SLC24A4: variants seen among roughly 807,000 people sequenced by gnomAD.
SLC24A4 encodes the protein solute carrier family 24 member 4.
A neutral mutation model predicts 79.0 loss-of-function variants in SLC24A4; 53 were observed. The ratio of observed to expected loss-of-function variants is 0.67; its 90% confidence interval spans 0.54 to 0.84. SLC24A4 has a LOEUF of 0.84. SLC24A4 is among the 40% of genes least tolerant of loss of function. The pLI, the probability that SLC24A4 is intolerant of heterozygous loss-of-function variation, is 0.00. For synonymous variants in SLC24A4, 323 were observed against 323.8 expected (o/e 1.00, Z 0.03); for missense variants, 731 against 822.0 (o/e 0.89, Z 1.35).
chr14:92,334,519 G>T (rs1174394017), intron 2 of SLC24A4, among the ~76,000 whole-genome samples: 1 of 152,218 alleles, frequency 6.6e-6, no homozygotes, highest in Non-Finnish European at 1.5e-5. Context: ...GATCCTGCCT[G>T]CTGGCATTTA....
chr14:92,487,419 A>G (rs1192710579), intron 14 of SLC24A4, among the ~76,000 whole-genome samples: 1 of 142,080 alleles, frequency 7.0e-6, no homozygotes, highest in Non-Finnish European at 1.5e-5. Flanking sequence ...GGATGGGTGA[A>G]TAATGGCGTA....
Position 92,323,675 on chromosome 14 carries a change from C to G in SLC24A4, c.-156C>G, listed in dbSNP as rs1214636579. ...CCACCTTCCCAAGGGGCTCCCCCGC[C>G]GACCTCGCCCTCGGGCCATGAGGCT... On this transcript the variant is annotated 5_prime_UTR_variant, in exon 1 of 17. Coordinates refer to ENST00000532405, the MANE Select transcript of SLC24A4 (RefSeq NM_153646.4). This position sits in a 1 kb window ranked among gnomAD's most constrained non-coding sequence, Gnocchi z 4.9. The G allele has an allele frequency of 3.3e-6, 3 of 922,186 alleles. No individual in the cohort carries two copies. Among genetic ancestry groups the G allele is most frequent in the Non-Finnish European group, 3.0e-6 (2 of 657,458 alleles). The allele number at this position is 922,186 out of a possible 1,614,324, so 57.1% of individuals were successfully genotyped here.
At chr14:92,476,350 G>A (rs1894762931) in intron 12 of SLC24A4, among the ~76,000 whole-genome samples, 1 of 152,174 alleles carries the variant, frequency 6.6e-6, no homozygotes, top group African/African-American at 2.4e-5. Context: ...GGGACTACAA[G>A]CTACAGAAAG....
At chr14:92,403,974 T>C (rs578016526) in intron 2 of SLC24A4, among the ~76,000 whole-genome samples, 3 of 152,236 alleles carry the variant, frequency 2.0e-5, no homozygotes, top group East Asian at 1.9e-4. Flanking sequence ...CTGTAATTGA[T>C]TGACAGCTCT....
intron 2 of SLC24A4, among the ~76,000 whole-genome samples, chr14:92,395,314 C>T (rs1452697818): frequency 6.6e-6 from 1 of 152,022 alleles, no homozygotes; most frequent in Non-Finnish European, 1.5e-5. Flanking sequence ...GCCTGGAGCA[C>T]TGCAGTGTTA....
rs1192823019 is a variant in SLC24A4 at position 92,490,845 on chromosome 14, G to A, written c.1538-820G>A. On this transcript the variant is annotated intron_variant, in intron 14 of 16. Transcript: ENST00000532405. This position sits in a 1 kb window ranked among gnomAD's most constrained non-coding sequence, Gnocchi z 4.3. ...CCACAAACGGGGTGCCGTAAACAAC[G>A]GAAGTGTATTGTCTTGTGGTTCCGG... Among the ~76,000 whole-genome samples, 1 of 152,342 alleles carries A rather than the reference G, an allele frequency of 6.6e-6. No individual in the cohort carries two copies. The highest frequency in any genetic ancestry group is 1.9e-4 in the East Asian group (1 of 5,184).
rs1014493732 is a variant in SLC24A4 at position 92,497,738 on chromosome 14, G to A, written c.*4110G>A. 2.6e-5 allele frequency: 4 copies of A among 152,264 alleles called. No homozygotes were observed. Among genetic ancestry groups the A allele is most frequent in the Non-Finnish European group, 5.9e-5 (4 of 68,092 alleles). The allele number at this position is 152,264 out of a possible 1,614,324, so 9.4% of individuals were successfully genotyped here. A position where few individuals can be genotyped will look rare whatever the true frequency, so the allele number is the denominator to read the frequency against. On this transcript the variant is annotated 3_prime_UTR_variant, in exon 17 of 17. Coordinates refer to ENST00000532405, the MANE Select transcript of SLC24A4 (RefSeq NM_153646.4). ...AGAGACCTTTCTGCCCTGGGTGAAT[G>A]GGTCCTTGGGGGAGGGGTTGGTCTT... is the stretch of plus-strand genomic sequence containing the variant.
At chr14:92,442,685 G>T (rs967037321) in intron 5 of SLC24A4, 28 bp from the exon 6 acceptor site, 2 of 1,541,006 alleles carry the variant, frequency 1.3e-6, no homozygotes, top group South Asian at 1.1e-5. Context: ...TGTGGCTGAG[G>T]CCCAGGGTCT....
intron 12 of SLC24A4, chr14:92,457,622 C>T (rs1893554549): frequency 1.3e-5 from 2 of 152,682 alleles, no homozygotes; most frequent in South Asian, 4.2e-4. Flanking sequence ...GTGAGAGGAT[C>T]CCAGGACCCA....
chr14:92,478,760 G>A (rs1267931435), intron 12 of SLC24A4, among the ~76,000 whole-genome samples: 1 of 151,764 alleles, frequency 6.6e-6, no homozygotes, highest in African/African-American at 2.4e-5. Context: ...ATTTTGATAG[G>A]GATTGCATTG....
intron 2 of SLC24A4, among the ~76,000 whole-genome samples, chr14:92,373,429 C>T (rs1338532210): frequency 6.6e-6 from 1 of 152,174 alleles, no homozygotes; most frequent in Non-Finnish European, 1.5e-5. Flanking sequence ...TGAGCTGAGA[C>T]AGGCACCTAA....
intron 2 of SLC24A4, among the ~76,000 whole-genome samples, chr14:92,330,551 A>G (rs1885415349): frequency 6.6e-6 from 1 of 152,214 alleles, no homozygotes; most frequent in African/African-American, 2.4e-5. Context: ...AGTGACTCTG[A>G]GTCCCTAGAG....
chr14:92,347,504 T>G (rs996475069), intron 2 of SLC24A4, among the ~76,000 whole-genome samples: 7 of 152,096 alleles, frequency 4.6e-5, no homozygotes, highest in African/African-American at 1.7e-4. Flanking sequence ...TGTTTTATGC[T>G]CAATTGCTTT....
intron 12 of SLC24A4, among the ~76,000 whole-genome samples, chr14:92,479,751 C>G (rs10135165): frequency 0.015 from 2,287 of 152,264 alleles, 70 homozygotes; most frequent in African/African-American, 0.052. Context: ...CCCTACTGTT[C>G]TATTTTTTGA....
Position 92,398,945 on chromosome 14 carries a change from C to T in SLC24A4, c.242-34967C>T, listed in dbSNP as rs1011371635. Among the ~76,000 whole-genome samples, 1 of 152,336 alleles carries T rather than the reference C, an allele frequency of 6.6e-6. No individual in the cohort carries two copies. The highest frequency in any genetic ancestry group is 1.9e-4 in the East Asian group (1 of 5,190). ...GTTGGTTTAAATCTGATGACACACT[C>T]TGTAACTCTCCAGTATTTGAGGATG... On this transcript the variant is annotated intron_variant, in intron 2 of 16. Coordinates refer to ENST00000532405, the MANE Select transcript of SLC24A4 (RefSeq NM_153646.4). The surrounding 1 kb of genome is among the most constrained non-coding windows in gnomAD (Gnocchi z 4.1).
intron 2 of SLC24A4, among the ~76,000 whole-genome samples, chr14:92,422,265 C>T (rs1343696087): frequency 6.6e-6 from 1 of 152,196 alleles, no homozygotes; most frequent in Non-Finnish European, 1.5e-5. Flanking sequence ...ATTCCTGGGC[C>T]GTCAGTGGCT....
At chr14:92,372,291 G>A (rs1381245389) in intron 2 of SLC24A4, among the ~76,000 whole-genome samples, 1 of 152,102 alleles carries the variant, frequency 6.6e-6, no homozygotes, top group Non-Finnish European at 1.5e-5. Flanking sequence ...CATCTTCCAC[G>A]CCACCTCCCT....
chr14:92,434,134 C>T (rs545823250), intron 3 of SLC24A4, 146 bp downstream of exon 3: 24 of 686,790 alleles, frequency 3.5e-5, no homozygotes, highest in Non-Finnish European at 6.0e-5. Flanking sequence ...TTTACCCACA[C>T]AGAAAGGATG....
Position 92,495,551 on chromosome 14 carries a change from A to C in SLC24A4, c.*1923A>C, listed in dbSNP as rs1365881224. 3 of 152,192 alleles carry C rather than the reference A, an allele frequency of 2.0e-5. No homozygotes were observed. The highest frequency in any genetic ancestry group is 2.9e-5 in the Non-Finnish European group (2 of 68,042). 9.4% of individuals were successfully genotyped at this position (152,192 alleles called of 1,614,324 possible). On this transcript the variant is annotated 3_prime_UTR_variant, in exon 17 of 17. Coordinates refer to ENST00000532405, the MANE Select transcript of SLC24A4 (RefSeq NM_153646.4). ...CTCGGGACCACTCTGTCACCTTAAT[A>C]GCCAAGTTCTCCTGGTTCCTCCGAT...
Sources: allele counts gnomAD v4.1 joint callset (sites outside exome capture counted in the v4.1 genomes callset), GRCh38; gene constraint gnomAD v4.1.1; non-coding constraint Gnocchi (gnomAD v3.1); transcripts MANE v1.5; gene names NCBI Gene and HGNC (gene_info 2026-07-23, HGNC 2026-07-21).